The following SPEF2 variants were observed in gnomAD, a reference collection of about 807,000 sequenced individuals.
The protein encoded by SPEF2 is sperm flagellar and cilia associated 2.
In SPEF2, 187 loss-of-function variants were observed where a neutral mutation model predicts 224.6. The ratio of observed to expected loss-of-function variants is 0.83; its 90% CI spans 0.74 to 0.94. SPEF2 has a LOEUF of 0.94. SPEF2 is among the 40% of genes least tolerant of loss of function. SPEF2 has a pLI of 0.00. For synonymous variants in SPEF2, 715 were observed against 707.3 expected (o/e 1.01, Z -0.17); for missense variants, 2,170 against 2,135.6 (o/e 1.02, Z -0.32).
intron 21 of SPEF2, among the ~76,000 whole-genome samples, chr5:35,735,390 A>G (rs377341635): frequency 5.3e-5 from 8 of 152,344 alleles, no homozygotes; most frequent in African/African-American, 1.9e-4. Flanking sequence ...GTGTGAATGT[A>G]GTCTGTCCTT....
intron 1 of SPEF2, among the ~76,000 whole-genome samples, chr5:35,628,236 C>A (rs1359995418): frequency 6.6e-6 from 1 of 152,012 alleles, no homozygotes; most frequent in East Asian, 1.9e-4. Context: ...TTTTGTATTT[C>A]ATCAATTATT....
intron 5 of SPEF2, among the ~76,000 whole-genome samples, chr5:35,647,143 G>T (rs1183288748): frequency 6.6e-6 from 1 of 152,164 alleles, no homozygotes; most frequent in Admixed American, 6.5e-5. Context: ...CCATTGTGTT[G>T]CTATAAAAGA....
Position 35,617,932 on chromosome 5 carries a change from G to A in SPEF2, c.-66G>A, listed in dbSNP as rs529635822. On this transcript the variant is annotated 5_prime_UTR_variant, in exon 1 of 37. Coordinates refer to ENST00000356031, the MANE Select transcript of SPEF2 (RefSeq NM_024867.4). ...TGCCCTTGGCTACAGGAGGACGCGG[G>A]CTGGCAGGCTTGGTTCCTGGCGAGT... 3.3e-6 allele frequency: 5 copies of A among 1,498,994 alleles called. No individual in the cohort carries two copies. In the African/African-American group the frequency reaches 6.9e-5, roughly 21 times the overall value. 92.9% of individuals were successfully genotyped at this position (1,498,994 alleles called of 1,614,324 possible). A position where few individuals can be genotyped will look rare whatever the true frequency, so the allele number is the denominator to read the frequency against.
chr5:35,665,022 T>C (rs1044731634), intron 8 of SPEF2, among the ~76,000 whole-genome samples: 1 of 152,186 alleles, frequency 6.6e-6, no homozygotes, highest in Non-Finnish European at 1.5e-5. Context: ...TTATTGAAAA[T>C]TCATTACAAT....
In SPEF2 at chr5:35,705,641, G is replaced by T. The variant is rs746790048; in HGVS notation, c.2508-10G>T. The T allele has an allele frequency of 4.5e-6, 7 of 1,566,308 alleles. No homozygotes were observed. In the South Asian group the frequency reaches 7.5e-5, roughly 17 times the overall value. ...GTATGAGATATTCATATCATATTTTGATTTTGCAGAATTATAGGCTTCTTG... is the reference window on the plus strand; with the variant it reads ...GTATGAGATATTCATATCATATTTTTATTTTGCAGAATTATAGGCTTCTTG... On this transcript the variant is annotated splice_polypyrimidine_tract_variant and intron_variant, in intron 17 of 36. Coordinates refer to ENST00000356031, the MANE Select transcript of SPEF2 (RefSeq NM_024867.4).
intron 6 of SPEF2, among the ~76,000 whole-genome samples, chr5:35,650,291 C>T (rs1414783209): frequency 2.0e-5 from 3 of 152,094 alleles, no homozygotes; most frequent in Non-Finnish European, 2.9e-5. Context: ...CATTGCCTTT[C>T]CTCCTACCCT....
chr5:35,670,790 T>C, intron 10 of SPEF2: 2 of 981,966 alleles, frequency 2.0e-6, no homozygotes, highest in South Asian at 9.4e-5. Flanking sequence ...AATTGCCAAC[T>C]ACTAACTGTG....
At chr5:35,755,021 AT>A (rs2149732804) in intron 24 of SPEF2, among the ~76,000 whole-genome samples, 1 of 152,402 alleles carries the variant, frequency 6.6e-6, no homozygotes, top group Admixed American at 6.5e-5. Flanking sequence ...AAGGTCTGAA[AT>A]ATCAGCAGAA....
At chr5:35,752,153 G>C (rs980579441) in intron 23 of SPEF2, among the ~76,000 whole-genome samples, 1 of 152,126 alleles carries the variant, frequency 6.6e-6, no homozygotes, top group Admixed American at 6.5e-5. Context: ...ATGCTCACTT[G>C]CCCACCGCTC....
At chr5:35,661,182 C>A (rs1431106144) in intron 8 of SPEF2, among the ~76,000 whole-genome samples, 2 of 146,742 alleles carry the variant, frequency 1.4e-5, no homozygotes, top group African/African-American at 5.0e-5. Context: ...AAACAAAATC[C>A]ATTTTATTCC....
chr5:35,755,763 C>G (rs1310917784), intron 24 of SPEF2, among the ~76,000 whole-genome samples: 1 of 152,154 alleles, frequency 6.6e-6, no homozygotes, highest in Admixed American at 6.5e-5. Context: ...GCGCCCACCA[C>G]CACGCCTGGC....
chr5:35,783,407 G>C (rs11954459), intron 30 of SPEF2, among the ~76,000 whole-genome samples: 7,096 of 152,166 alleles, frequency 0.047, 472 homozygotes, highest in African/African-American at 0.14. Flanking sequence ...ATTGAAATAA[G>C]GTTGTTATGA....
intron 20 of SPEF2, among the ~76,000 whole-genome samples, chr5:35,716,892 T>G (rs1337807509): frequency 6.6e-6 from 1 of 152,200 alleles, no homozygotes; most frequent in Non-Finnish European, 1.5e-5. Flanking sequence ...TGTCGATGTC[T>G]TTGATTCATT....
chr5:35,637,520 G>A (rs1333839613), intron 2 of SPEF2, among the ~76,000 whole-genome samples: 3 of 152,158 alleles, frequency 2.0e-5, no homozygotes, highest in African/African-American at 7.2e-5. Context: ...TGCTAGAGGT[G>A]AATTATTCTT....
At chr5:35,781,803 A>T (rs1369874812) in intron 30 of SPEF2, 1 of 152,300 alleles carries the variant, frequency 6.6e-6, no homozygotes, top group Non-Finnish European at 1.5e-5. Flanking sequence ...TTTTAGGTAT[A>T]TCTAAAATAA....
chr5:35,798,824 G>A (rs986396158), intron 33 of SPEF2, among the ~76,000 whole-genome samples: 1 of 151,896 alleles, frequency 6.6e-6, no homozygotes, highest in Non-Finnish European at 1.5e-5. Context: ...CAACTCTGTT[G>A]GAGTTGGAGT....
chr5:35,765,375 G>A (rs1037576622), intron 26 of SPEF2, among the ~76,000 whole-genome samples: 1 of 152,124 alleles, frequency 6.6e-6, no homozygotes, highest in East Asian at 1.9e-4. Context: ...TTTGGTGTCG[G>A]TATGGATACT....
chr5:35,654,888 T>C (rs1369780584), intron 7 of SPEF2, among the ~76,000 whole-genome samples, 162 bp downstream of exon 7: 1 of 151,774 alleles, frequency 6.6e-6, no homozygotes, highest in Non-Finnish European at 1.5e-5. Flanking sequence ...GGAAGAAAAG[T>C]AGCTATTTAC....
intron 10 of SPEF2, among the ~76,000 whole-genome samples, chr5:35,686,399 A>G (rs1460934929): frequency 1.3e-5 from 2 of 152,120 alleles, no homozygotes; most frequent in African/African-American, 4.8e-5. Flanking sequence ...AAATTATTAC[A>G]TAATCATGTT....
Sources: gnomAD v4.1 joint callset for allele counts (sites outside exome capture counted in the v4.1 genomes callset) on GRCh38, gnomAD v4.1.1 for gene constraint, MANE v1.5 for transcripts, NCBI Gene and HGNC (gene_info 2026-07-23, HGNC 2026-07-21) for gene names.